VMP1: variants seen among roughly 807,000 people sequenced by gnomAD.
VMP1 encodes the protein ectopic P-granules autophagy protein 3 homolog.
In VMP1, 11 loss-of-function variants were observed where a neutral mutation model predicts 56.0. That is an observed-to-expected ratio of 0.20 (90% CI 0.12 to 0.32). The LOEUF (loss-of-function observed/expected upper bound fraction) is 0.32. VMP1 is among the 10% of genes least tolerant of loss of function. The pLI, the probability that VMP1 is intolerant of heterozygous loss-of-function variation, is 1.00. For synonymous variants in VMP1, 149 were observed against 165.0 expected (o/e 0.90, Z 0.74); for missense variants, 296 against 490.3 (o/e 0.60, Z 3.74).
At chr17:59,809,167 T>A (rs1472639219) in intron 8 of VMP1, among the ~76,000 whole-genome samples, 1 of 150,622 alleles carries the variant, frequency 6.6e-6, no homozygotes, top group Non-Finnish European at 1.5e-5. Context: ...GCCTGGCTAA[T>A]TTTTATATTT....
At chr17:59,789,730 G>A (rs980059879) in intron 7 of VMP1, among the ~76,000 whole-genome samples, 1 of 151,728 alleles carries the variant, frequency 6.6e-6, no homozygotes, top group Non-Finnish European at 1.5e-5. Flanking sequence ...TATTGCAAAG[G>A]TGCCTTTATT....
intron 1 of VMP1, among the ~76,000 whole-genome samples, chr17:59,717,621 G>A (rs940849248): frequency 6.6e-6 from 1 of 152,088 alleles, no homozygotes; most frequent in Non-Finnish European, 1.5e-5. Flanking sequence ...GGCCTCAAAC[G>A]ATCCTCCTAC....
intron 7 of VMP1, chr17:59,785,101 C>G (rs1303696552): frequency 6.6e-6 from 1 of 152,102 alleles, no homozygotes; most frequent in East Asian, 1.9e-4. Flanking sequence ...GCCAGTATTA[C>G]TGAAATAATG....
intron 5 of VMP1, among the ~76,000 whole-genome samples, chr17:59,743,338 A>G (rs754377724): frequency 4.1e-4 from 63 of 152,208 alleles, no homozygotes; most frequent in Non-Finnish European, 7.9e-4. Flanking sequence ...AGAAGACACT[A>G]TAGTTGGAAT....
At chr17:59,773,443 C>T (rs2036511393) in intron 6 of VMP1, among the ~76,000 whole-genome samples, 1 of 151,670 alleles carries the variant, frequency 6.6e-6, no homozygotes, top group East Asian at 1.9e-4. Flanking sequence ...GAATGTTGCC[C>T]AGGCTGGCCT....
At position 59,735,359 on chromosome 17, in the gene VMP1, AGAAGAG is replaced by A; in HGVS notation, c.101_106del (p.Lys34_Arg35del). Reference sequence around the variant, plus strand: ...TCAGACCCCTCTTCAGTGAATGAAAAGAAGAGGAGGGAGCGGGAAGAAAGGCAGAAT... The same window carrying A: ...TCAGACCCCTCTTCAGTGAATGAAAAGAGGGAGCGGGAAGAAAGGCAGAAT... On this transcript the variant is annotated inframe_deletion, in exon 3 of 12. Coordinates refer to ENST00000262291, the MANE Select transcript of VMP1 (RefSeq NM_030938.5). 1.9e-6 allele frequency: 3 copies of A among 1,614,104 alleles called. No individual in the cohort carries two copies. The highest frequency in any genetic ancestry group is 2.5e-6 in the Non-Finnish European group (3 of 1,179,976).
chr17:59,778,017 T>C (rs2036686498), intron 7 of VMP1, among the ~76,000 whole-genome samples: 1 of 152,212 alleles, frequency 6.6e-6, no homozygotes, highest in South Asian at 2.1e-4. Context: ...CCCATCCTTT[T>C]AATTTTTTAA....
chr17:59,801,052 C>A (rs2037623463), intron 7 of VMP1, among the ~76,000 whole-genome samples: 1 of 139,266 alleles, frequency 7.2e-6, no homozygotes, highest in African/African-American at 2.6e-5. Context: ...TGCACCCCAT[C>A]CTGGGCGACA....
At chr17:59,808,569 A>G (rs1189959908) in intron 7 of VMP1, among the ~76,000 whole-genome samples, 3 of 152,206 alleles carry the variant, frequency 2.0e-5, no homozygotes, top group Non-Finnish European at 4.4e-5. Context: ...TTAAATTTAC[A>G]GTGTTTTGGT....
intron 7 of VMP1, among the ~76,000 whole-genome samples, chr17:59,801,623 G>C (rs148028934): frequency 6.6e-6 from 1 of 152,144 alleles, no homozygotes; most frequent in Non-Finnish European, 1.5e-5. Flanking sequence ...GGCCGGATGA[G>C]GTGGCTCATG....
At chr17:59,832,863 G>A (rs1205810598) in intron 10 of VMP1, among the ~76,000 whole-genome samples, 2 of 148,164 alleles carry the variant, frequency 1.3e-5, no homozygotes, top group Admixed American at 7.0e-5. Flanking sequence ...TGCCCACCTC[G>A]GCCTCCCAAA....
intron 7 of VMP1, among the ~76,000 whole-genome samples, chr17:59,808,292 G>A (rs1197771975): frequency 6.6e-6 from 1 of 152,210 alleles, no homozygotes; most frequent in African/African-American, 2.4e-5. Context: ...AAATCATGGT[G>A]AGAATGTTTT....
intron 1 of VMP1, among the ~76,000 whole-genome samples, chr17:59,718,956 A>C (rs915789089): frequency 6.6e-5 from 10 of 152,234 alleles, no homozygotes; most frequent in Admixed American, 1.3e-4. Context: ...TGATAGATAT[A>C]CCACAGATAG....
At chr17:59,794,055 G>C (rs1158779916) in intron 7 of VMP1, among the ~76,000 whole-genome samples, 1 of 150,794 alleles carries the variant, frequency 6.6e-6, no homozygotes, top group African/African-American at 2.4e-5. Context: ...CGAGTAGCTG[G>C]GACTACAAGC....
intron 9 of VMP1, among the ~76,000 whole-genome samples, chr17:59,814,804 C>T (rs988159750): frequency 6.6e-6 from 1 of 152,184 alleles, no homozygotes; most frequent in African/African-American, 2.4e-5. Flanking sequence ...TGAGTTCCTT[C>T]ACTAAACTAA....
chr17:59,802,130 G>A (rs1461212206), intron 7 of VMP1, among the ~76,000 whole-genome samples: 1 of 152,068 alleles, frequency 6.6e-6, no homozygotes, highest in Non-Finnish European at 1.5e-5. Context: ...GAACCCAGGA[G>A]GTGGAGGTTG....
chr17:59,717,386 ATC>A (rs1211541095), intron 1 of VMP1, among the ~76,000 whole-genome samples: 5 of 151,874 alleles, frequency 3.3e-5, no homozygotes, highest in Non-Finnish European at 4.4e-5. Context: ...TCTTTTTCTA[ATC>A]TCTTTTTTTT....
In VMP1 at chr17:59,840,221, T is replaced by G; in HGVS notation, c.*310T>G. 1 of 263,596 alleles carries G rather than the reference T, an allele frequency of 3.8e-6. No individual in the cohort carries two copies. The highest frequency in any genetic ancestry group is 7.2e-6 in the Non-Finnish European group (1 of 139,304). 16.3% of individuals were successfully genotyped at this position (263,596 alleles called of 1,614,324 possible). On this transcript the variant is annotated 3_prime_UTR_variant, in exon 12 of 12. Transcript: ENST00000262291. ...AGGCCCACATGATACAATTAGAGAA[T>G]TCCCACCGCACAAAAAAAGTTCCTA...
intron 1 of VMP1, among the ~76,000 whole-genome samples, chr17:59,721,670 T>C (rs2034401283): frequency 6.6e-6 from 1 of 152,104 alleles, no homozygotes; most frequent in African/African-American, 2.4e-5. Context: ...GAGCACTTGG[T>C]ACCCAGAAGA....
Sources: gnomAD v4.1 joint callset for allele counts (sites outside exome capture counted in the v4.1 genomes callset) on GRCh38, gnomAD v4.1.1 for gene constraint, MANE v1.5 for transcripts, NCBI Gene and HGNC (gene_info 2026-07-23, HGNC 2026-07-21) for gene names.